MYOF: variants seen among roughly 807,000 people sequenced by gnomAD.
MYOF encodes myoferlin.
Under a neutral mutation model 284.2 loss-of-function variants are expected in MYOF, and 244 were observed. That is an observed-to-expected ratio of 0.86 (90% confidence interval 0.77 to 0.95). The LOEUF (loss-of-function observed/expected upper bound fraction) is 0.95. MYOF is among the 40% of genes least tolerant of loss of function. MYOF has a pLI of 0.00. For synonymous variants in MYOF, 904 were observed against 919.7 expected (o/e 0.98, Z 0.31); for missense variants, 2,496 against 2,560.6 (o/e 0.97, Z 0.54).
At chr10:93,404,112 G>T in intron 8 of MYOF, 39 bp from the exon 9 acceptor site, 2 of 1,613,816 alleles carry the variant, frequency 1.2e-6, no homozygotes, top group Non-Finnish European at 1.7e-6. Context: ...GATTGGCTTT[G>T]CCTGGCAGTG....
chr10:93,324,728 T>C (rs543896573), intron 46 of MYOF, among the ~76,000 whole-genome samples: 2 of 152,298 alleles, frequency 1.3e-5, no homozygotes, highest in East Asian at 3.9e-4. Context: ...AGCGTGTCCA[T>C]AGTTTTGCTG....
intron 19 of MYOF, among the ~76,000 whole-genome samples, chr10:93,386,398 T>C (rs1416274788): frequency 6.6e-6 from 1 of 152,234 alleles, no homozygotes; most frequent in East Asian, 1.9e-4. Flanking sequence ...GACTTTTGGC[T>C]CCGTGTCTCT....
intron 3 of MYOF, among the ~76,000 whole-genome samples, chr10:93,439,659 G>A (rs749113913): frequency 3.3e-5 from 5 of 152,210 alleles, no homozygotes; most frequent in Non-Finnish European, 5.9e-5. Flanking sequence ...TGGGGATAAT[G>A]ACAGCTCCTA....
intron 19 of MYOF, among the ~76,000 whole-genome samples, chr10:93,382,168 GATT>G: frequency 6.6e-6 from 1 of 152,256 alleles, no homozygotes; most frequent in East Asian, 1.9e-4. Flanking sequence ...AAGGTAGAGA[GATT>G]ATGGCAAACT....
chr10:93,387,732 C>T, intron 19 of MYOF, 65 bp downstream of exon 19: 1 of 1,382,020 alleles, frequency 7.2e-7, no homozygotes, highest in Admixed American at 1.7e-5. Context: ...ACTCCCCCAG[C>T]TACCCCTTCA....
In MYOF at chr10:93,366,358, G is replaced by A. The variant is rs766652080; in HGVS notation, c.2753+34C>T. On this transcript the variant is annotated intron_variant, in intron 26 of 53. Transcript: ENST00000359263. Reference sequence around the variant, plus strand: ...GCAATTTCTAGAGAAAGATTTCATTGCTATCCTTTTTACTCAGAAAATGGA... The same window carrying A: ...GCAATTTCTAGAGAAAGATTTCATTACTATCCTTTTTACTCAGAAAATGGA... 5.6e-6 allele frequency: 9 copies of A among 1,597,708 alleles called. 2 individuals are homozygous for A. In the South Asian group the frequency reaches 9.0e-5, roughly 16 times the overall value.
intron 19 of MYOF, 95 bp from the exon 20 acceptor site, chr10:93,381,491 TA>T (rs1156863728): frequency 8.1e-7 from 1 of 1,237,450 alleles, no homozygotes; most frequent in African/African-American, 1.5e-5. Context: ...ACCTAATAAT[TA>T]GTGCTGAATT....
intron 7 of MYOF, 90 bp downstream of exon 7, chr10:93,408,697 C>T: frequency 6.5e-7 from 1 of 1,538,820 alleles, no homozygotes; most frequent in Non-Finnish European, 8.9e-7. Flanking sequence ...CTACTTGGAA[C>T]TCAGTGGTGT....
intron 39 of MYOF, among the ~76,000 whole-genome samples, chr10:93,338,709 T>C (rs1227202494): frequency 6.6e-6 from 1 of 152,092 alleles, no homozygotes; most frequent in Non-Finnish European, 1.5e-5. Context: ...CCAATAAGCT[T>C]TCAGAAGTTC....
intron 5 of MYOF, among the ~76,000 whole-genome samples, chr10:93,421,573 C>T (rs374011050): frequency 2.6e-5 from 4 of 152,300 alleles, no homozygotes; most frequent in East Asian, 3.9e-4. Context: ...GGGTGGATCC[C>T]TCCTGAAAGG....
intron 5 of MYOF, among the ~76,000 whole-genome samples, chr10:93,412,630 C>A (rs963858672): frequency 1.1e-4 from 17 of 152,220 alleles, no homozygotes; most frequent in Admixed American, 9.8e-4. Flanking sequence ...ATAGGCTTCC[C>A]CTACTCCCAG....
chr10:93,408,263 A>G (rs1847711995), intron 7 of MYOF, among the ~76,000 whole-genome samples: 1 of 152,124 alleles, frequency 6.6e-6, no homozygotes, highest in Admixed American at 6.6e-5. Flanking sequence ...ATTTAAATAA[A>G]TGCTGGCCGG....
chr10:93,309,201 C>A (rs948835247), intron 53 of MYOF, among the ~76,000 whole-genome samples: 6 of 152,188 alleles, frequency 3.9e-5, no homozygotes, highest in African/African-American at 1.4e-4. Flanking sequence ...TTGTTTCTGT[C>A]TCCATAACAG....
intron 51 of MYOF, among the ~76,000 whole-genome samples, chr10:93,311,655 G>A (rs1842399088): frequency 6.6e-6 from 1 of 151,454 alleles, no homozygotes; most frequent in Non-Finnish European, 1.5e-5. Context: ...GATTGTAACA[G>A]ACTTTGTAAC....
rs865892771 is a variant in MYOF at position 93,428,612 on chromosome 10, G to A, written c.346-2454C>T. Among the ~76,000 whole-genome samples the A allele has an allele frequency of 5.6e-3, 762 of 135,134 alleles. 8 individuals are homozygous for A. The highest frequency in any genetic ancestry group is 0.02 in the African/African-American group (739 of 36,108). The allele number at this position is 135,134 out of a possible 152,430, so 88.7% of individuals were successfully genotyped here. A position where few individuals can be genotyped will look rare whatever the true frequency, so the allele number is the denominator to read the frequency against. ...ACACACACACACACACACACACACA[G>A]TGCATTGCCCTTTTTCCATTTTTCT... On this transcript the variant is annotated intron_variant, in intron 4 of 53. Coordinates refer to ENST00000359263, the MANE Select transcript of MYOF (RefSeq NM_013451.4).
At chr10:93,407,879 C>T (rs147885366) in intron 7 of MYOF, among the ~76,000 whole-genome samples, 4 of 152,100 alleles carry the variant, frequency 2.6e-5, no homozygotes, top group East Asian at 1.9e-4. Flanking sequence ...GGATTAGTCA[C>T]GAGAGTTGTC....
At chr10:93,325,380 C>T (rs1352850684) in intron 46 of MYOF, among the ~76,000 whole-genome samples, 1 of 152,170 alleles carries the variant, frequency 6.6e-6, no homozygotes, top group African/African-American at 2.4e-5. Context: ...AATCACTTTC[C>T]CAGACCCTGC....
chr10:93,343,094 G>A (rs1324926211), intron 38 of MYOF, among the ~76,000 whole-genome samples: 10 of 152,146 alleles, frequency 6.6e-5, no homozygotes, highest in Admixed American at 5.2e-4. Flanking sequence ...ACATATTAAA[G>A]TGCAATCATG....
At chr10:93,309,934 C>T in intron 53 of MYOF, 86 bp downstream of exon 53, 1 of 1,541,392 alleles carries the variant, frequency 6.5e-7, no homozygotes, top group African/African-American at 1.4e-5. Context: ...CATTCTTCTG[C>T]ACAGTGGTCA....
Sources: allele counts gnomAD v4.1 joint callset (sites outside exome capture counted in the v4.1 genomes callset), GRCh38; gene constraint gnomAD v4.1.1; transcripts MANE v1.5; gene names NCBI Gene and HGNC (gene_info 2026-07-23, HGNC 2026-07-21).